LPP: variants seen among roughly 807,000 people sequenced by gnomAD.
The protein encoded by LPP is LIM domain containing preferred translocation partner in lipoma.
LPP carries 38 observed loss-of-function variants against 60.4 expected under a neutral mutation model. That is an observed-to-expected ratio of 0.63 (90% confidence interval 0.49 to 0.83). The LOEUF is 0.83. LPP is among the 40% of genes least tolerant of loss of function. The pLI is 0.00. For synonymous variants in LPP, 328 were observed against 290.8 expected (o/e 1.13, Z -1.30); for missense variants, 902 against 783.6 (o/e 1.15, Z -1.80).
At chr3:188,264,257 TTG>T (rs141464174) in intron 2 of LPP, among the ~76,000 whole-genome samples, 20 of 151,102 alleles carry the variant, frequency 1.3e-4, no homozygotes, top group Non-Finnish European at 2.7e-4. Context: ...AACATTAGTT[TTG>T]TGTGTGTGTG....
chr3:188,767,893 A>G (rs1734657306), intron 9 of LPP, among the ~76,000 whole-genome samples: 1 of 152,150 alleles, frequency 6.6e-6, no homozygotes, highest in Non-Finnish European at 1.5e-5. Flanking sequence ...AATCCATTAA[A>G]ATAAAACATT....
intron 2 of LPP, among the ~76,000 whole-genome samples, chr3:188,265,872 TGTG>T (rs1735337033): frequency 7.9e-6 from 1 of 126,758 alleles, no homozygotes; most frequent in South Asian, 2.4e-4. Context: ...ATTACTCTGG[TGTG>T]TGTGTGTGTG....
Position 188,276,691 on chromosome 3 carries a change from CTCTT to C in LPP, c.-67+51168_-67+51171del, listed in dbSNP as rs1317976390. Among the ~76,000 whole-genome samples, 30 of 14,870 alleles carry C rather than the reference CTCTT, an allele frequency of 2.0e-3. 1 individual carries two copies. In the African/African-American group the frequency reaches 0.037, roughly 18 times the overall value. 9.8% of individuals were successfully genotyped at this position (14,870 alleles called of 152,430 possible). On this transcript the variant is annotated intron_variant, in intron 2 of 11. Coordinates refer to ENST00000617246, the MANE Select transcript of LPP (RefSeq NM_001375462.1). ...TCTGTCTCTCTCTCTCTCTCTCTCT[CTCTT>C]TCTCTCTCTCTCTCTCTCTCTCTCT...
At chr3:188,195,396 C>A (rs1729256214) in intron 1 of LPP, among the ~76,000 whole-genome samples, 6 of 152,150 alleles carry the variant, frequency 3.9e-5, no homozygotes, top group Admixed American at 3.9e-4. Context: ...TAACCCAAGA[C>A]TAGAAACTTA....
At chr3:188,487,228 A>T (rs1806812037) in intron 5 of LPP, among the ~76,000 whole-genome samples, 1 of 152,232 alleles carries the variant, frequency 6.6e-6, no homozygotes, top group Non-Finnish European at 1.5e-5. Flanking sequence ...CAATTAAATG[A>T]AATACAGATG....
At chr3:188,737,765 A>G (rs1036363071) in intron 8 of LPP, among the ~76,000 whole-genome samples, 1 of 152,156 alleles carries the variant, frequency 6.6e-6, no homozygotes, top group Non-Finnish European at 1.5e-5. Flanking sequence ...TGTCCCCTAC[A>G]TAGAGAACTG....
intron 9 of LPP, among the ~76,000 whole-genome samples, chr3:188,865,592 A>C (rs1766367569): frequency 6.6e-6 from 1 of 152,204 alleles, no homozygotes; most frequent in East Asian, 1.9e-4. Flanking sequence ...TTTTAGAAGT[A>C]ATAGTGAAGC....
intron 2 of LPP, among the ~76,000 whole-genome samples, chr3:188,249,655 GT>G (rs771529558): frequency 9.2e-5 from 14 of 151,444 alleles, no homozygotes; most frequent in East Asian, 7.8e-4. Context: ...CTTTCTGATG[GT>G]TTTTTTCTTA....
chr3:188,380,976 G>C (rs1578477481), intron 3 of LPP, among the ~76,000 whole-genome samples: 1 of 152,330 alleles, frequency 6.6e-6, no homozygotes, highest in East Asian at 1.9e-4. Flanking sequence ...CCTAGATTCA[G>C]ACCCTGGACT....
At chr3:188,294,715 A>T (rs951969664) in intron 2 of LPP, among the ~76,000 whole-genome samples, 2 of 152,240 alleles carry the variant, frequency 1.3e-5, no homozygotes, top group Non-Finnish European at 2.9e-5. Context: ...TTGTCAGCAC[A>T]AGAGAAATGT....
intron 3 of LPP, among the ~76,000 whole-genome samples, chr3:188,353,294 G>A (rs1766501371): frequency 6.6e-6 from 1 of 152,144 alleles, no homozygotes; most frequent in African/African-American, 2.4e-5. Flanking sequence ...TGAGCATCCA[G>A]TAAGTTTTTG....
intron 2 of LPP, among the ~76,000 whole-genome samples, chr3:188,266,178 C>CCAG (rs145264815): frequency 1.3e-5 from 2 of 151,830 alleles, no homozygotes; most frequent in Admixed American, 6.6e-5. Context: ...ACCACCCTCA[C>CCAG]CAGCAGCAGC....
intron 4 of LPP, among the ~76,000 whole-genome samples, chr3:188,455,903 G>A (rs1367942739): frequency 6.6e-6 from 1 of 151,818 alleles, no homozygotes; most frequent in Non-Finnish European, 1.5e-5. Context: ...TTTTTTATTT[G>A]TTTATTTTAG....
At chr3:188,159,538 TTGTTGATGGC>T (rs1717551195) in intron 1 of LPP, among the ~76,000 whole-genome samples, 1 of 152,206 alleles carries the variant, frequency 6.6e-6, no homozygotes, top group Non-Finnish European at 1.5e-5. Context: ...TGATGTCTGC[TTGTTGATGGC>T]TGTATTCCCA....
At chr3:188,311,416 T>C (rs1753366251) in intron 2 of LPP, among the ~76,000 whole-genome samples, 1 of 152,100 alleles carries the variant, frequency 6.6e-6, no homozygotes, top group Non-Finnish European at 1.5e-5. Context: ...AAGGCTGCAG[T>C]GAGCTATGAT....
intron 2 of LPP, among the ~76,000 whole-genome samples, chr3:188,269,034 T>C (rs1337323827): frequency 6.6e-6 from 1 of 152,124 alleles, no homozygotes; most frequent in Non-Finnish European, 1.5e-5. Context: ...CCTCCAGGGG[T>C]CTATCAGTAT....
chr3:188,599,491 G>A (rs1230444029), intron 6 of LPP, among the ~76,000 whole-genome samples: 3 of 152,136 alleles, frequency 2.0e-5, no homozygotes, highest in South Asian at 2.1e-4. Flanking sequence ...GAAGTCCAGG[G>A]AGATGTTTTT....
intron 9 of LPP, among the ~76,000 whole-genome samples, chr3:188,780,012 CATAGAGCTGGTTGG>C (rs1286845396): frequency 6.6e-6 from 1 of 151,970 alleles, no homozygotes; most frequent in Non-Finnish European, 1.5e-5. Context: ...TGCCCAAGAA[CATAGAGCTGGTTGG>C]ATGACTGGAA....
At chr3:188,366,939 C>T (rs551475792) in intron 3 of LPP, among the ~76,000 whole-genome samples, 1 of 151,998 alleles carries the variant, frequency 6.6e-6, no homozygotes, top group African/African-American at 2.4e-5. Flanking sequence ...CTCTGTCGCC[C>T]AGGCTGGAGT....
Sources: gnomAD v4.1 joint callset for allele counts (sites outside exome capture counted in the v4.1 genomes callset) on GRCh38, gnomAD v4.1.1 for gene constraint, MANE v1.5 for transcripts, NCBI Gene and HGNC (gene_info 2026-07-23, HGNC 2026-07-21) for gene names.